Variants in RANBP3L observed in about 807,000 individuals in gnomAD.
RANBP3L encodes the protein RAN binding protein 3 like.
RANBP3L carries 56 observed loss-of-function variants against 67.2 expected under a neutral mutation model. The ratio of observed to expected loss-of-function variants is 0.83; its 90% CI spans 0.67 to 1.04. The LOEUF (loss-of-function observed/expected upper bound fraction) is 1.04. Ranked by LOEUF, RANBP3L falls within the 50% of genes least tolerant of loss-of-function variation. The pLI, the probability that RANBP3L is intolerant of heterozygous loss-of-function variation, is 0.00. For synonymous variants in RANBP3L, 164 were observed against 181.4 expected, an observed-to-expected ratio of 0.90 and a Z score of 0.77; for missense variants, 496 against 535.5, an observed-to-expected ratio of 0.93 and a Z score of 0.73.
chr5:36,265,541 A>G lies in RANBP3L; in HGVS notation c.269-21T>C, dbSNP rs780336160. 7 of 1,424,006 alleles carry G rather than the reference A, an allele frequency of 4.9e-6. No homozygotes were observed. The African/African-American group carries it at 1.0e-4, about 20-fold the overall frequency. The allele number at this position is 1,424,006 out of a possible 1,614,324, so 88.2% of individuals were successfully genotyped here. A position where few individuals can be genotyped will look rare whatever the true frequency, so the allele number is the denominator to read the frequency against. On this transcript the variant is annotated intron_variant, in intron 4 of 13. Coordinates refer to ENST00000296604, the MANE Select transcript of RANBP3L (RefSeq NM_145000.5). ...CCTCACTGTAAGAAAAAATATTTAA[A>G]TTTTTTTAAATACAGAAGAGTGTCA... is the stretch of plus-strand genomic sequence containing the variant.
chr5:36,299,221 G>A (rs1319656613), intron 1 of RANBP3L, among the ~76,000 whole-genome samples: 1 of 152,076 alleles, frequency 6.6e-6, no homozygotes, highest in African/African-American at 2.4e-5. Context: ...TTTGCAGACA[G>A]CCTATTGTGG....
At chr5:36,288,351 T>A (rs190828109) in intron 1 of RANBP3L, among the ~76,000 whole-genome samples, 175 of 152,336 alleles carry the variant, frequency 1.1e-3, no homozygotes, top group Non-Finnish European at 1.6e-3. Context: ...AGTGTGTTAA[T>A]ATACCGCAAT....
chr5:36,283,621 C>T (rs780437310), intron 1 of RANBP3L, among the ~76,000 whole-genome samples: 5 of 151,844 alleles, frequency 3.3e-5, no homozygotes, highest in Non-Finnish European at 5.9e-5. Context: ...AAGTTGAATA[C>T]AGCCAATCGT....
intron 1 of RANBP3L, among the ~76,000 whole-genome samples, chr5:36,290,390 T>G (rs944708244): frequency 1.3e-5 from 2 of 151,824 alleles, no homozygotes; most frequent in Non-Finnish European, 2.9e-5. Context: ...CTAATTTTTG[T>G]ATTTTTAGTA....
At chr5:36,287,452 T>G (rs2112069880) in intron 1 of RANBP3L, among the ~76,000 whole-genome samples, 1 of 152,264 alleles carries the variant, frequency 6.6e-6, no homozygotes, top group East Asian at 1.9e-4. Context: ...ATAAAATAAA[T>G]GAAGTGCTAT....
Position 36,260,822 on chromosome 5 carries a change from A to G in RANBP3L, c.627T>C (p.Ser209=). 2 of 1,549,522 alleles carry G rather than the reference A, an allele frequency of 1.3e-6. No homozygotes were observed. Among genetic ancestry groups the G allele is most frequent in the Non-Finnish European group, 1.8e-6 (2 of 1,127,072 alleles). Residue 209 remains serine, a synonymous_variant, in exon 8 of 14, where the codon AGT becomes AGC. Coordinates refer to ENST00000296604, the MANE Select transcript of RANBP3L (RefSeq NM_145000.5). The stretch of plus-strand genomic sequence containing the variant: ...TGTTTTCTCCAAAAACAAAATTGGA[A>G]CTGCAGCTTTTAAAAGAACATTTAT... ...NEDKCSFKSC[S]SNFVFGENMV...
chr5:36,254,641 T>C (rs1163936719), intron 11 of RANBP3L, among the ~76,000 whole-genome samples: 1 of 152,004 alleles, frequency 6.6e-6, no homozygotes, highest in Non-Finnish European at 1.5e-5. Flanking sequence ...CTTTCTGTCC[T>C]TTTAATCTGA....
chr5:36,255,514 T>C lies in RANBP3L; in HGVS notation c.980A>G (p.Asn327Ser), dbSNP rs1295085815. 3 of 1,612,190 alleles carry C rather than the reference T, an allele frequency of 1.9e-6. No individual in the cohort carries two copies. Among genetic ancestry groups the C allele is most frequent in the African/African-American group, 1.3e-5 (1 of 74,986 alleles). ...TCCACAGTCAGTGCTTGCTGTGTCATTCAGTCTCAACGTTCCTCTGCCCCT... is the reference window on the plus strand; with the variant it reads ...TCCACAGTCAGTGCTTGCTGTGTCACTCAGTCTCAACGTTCCTCTGCCCCT... ...IERGRGTLRL[N>S]DTASTDCGTL... Residue 327 changes from asparagine (N) to serine (S), a missense_variant, in exon 11 of 14, where the codon AAT becomes AGT. Transcript: ENST00000296604.
chr5:36,264,895 C>T, intron 6 of RANBP3L, 64 bp downstream of exon 6: 16 of 1,539,590 alleles, frequency 1.0e-5, no homozygotes, highest in Non-Finnish European at 1.4e-5. Flanking sequence ...ATGGGGGCCC[C>T]AAACAACCTG....
chr5:36,284,678 A>C lies in RANBP3L; in HGVS notation c.92-13367T>G, dbSNP rs1314840500. On this transcript the variant is annotated intron_variant, in intron 1 of 13. Transcript: ENST00000296604. ...CATTGCTATCTTTCTCATTTCATGC[A>C]GTGTGGGACATAGGGGCTAGGCAGT... is the stretch of plus-strand genomic sequence containing the variant. Among the ~76,000 whole-genome samples the C allele has an allele frequency of 3.9e-5, 6 of 152,216 alleles. No individual in the cohort carries two copies. The East Asian group carries it at 1.2e-3, about 29-fold the overall frequency.
chr5:36,255,678 C>CATAACA, intron 10 of RANBP3L, 88 bp from the exon 11 acceptor site: 1 of 772,986 alleles, frequency 1.3e-6, no homozygotes, highest in Non-Finnish European at 2.0e-6. Flanking sequence ...TTATATGTGT[C>CATAACA]TAGTCTTTTA....
chr5:36,248,325 A>C lies in RANBP3L; in HGVS notation c.*1329T>G, dbSNP rs1384036853. The C allele has an allele frequency of 6.6e-6, 1 of 152,214 alleles. No individual in the cohort carries two copies. The highest frequency in any genetic ancestry group is 2.4e-5 in the African/African-American group (1 of 41,472). 9.4% of individuals were successfully genotyped at this position (152,214 alleles called of 1,614,324 possible). On this transcript the variant is annotated 3_prime_UTR_variant, in exon 14 of 14. Transcript: ENST00000296604. ...CCTCTCTTAGTAGTTATATTAAGTT[A>C]TGCTTTCTCAGTTATAAGGAAGGAC...
intron 8 of RANBP3L, among the ~76,000 whole-genome samples, chr5:36,259,450 G>A (rs1177674007): frequency 6.6e-6 from 1 of 152,062 alleles, no homozygotes; most frequent in Non-Finnish European, 1.5e-5. Context: ...AGGTGTGGTG[G>A]TACGTGCCTG....
At chr5:36,290,224 C>CTTTTTTTTTTTTTTTTT (rs33974139) in intron 1 of RANBP3L, among the ~76,000 whole-genome samples, 1 of 143,990 alleles carries the variant, frequency 6.9e-6, no homozygotes, top group Non-Finnish European at 1.5e-5. Flanking sequence ...TCTGTCTCAC[C>CTTTTTTTTTTTTTTTTT]TTTTTTTTTT....
intron 3 of RANBP3L, 133 bp downstream of exon 3, chr5:36,269,818 G>T: frequency 1.3e-6 from 1 of 782,946 alleles, no homozygotes; most frequent in South Asian, 1.5e-5. Context: ...AAACAAAAGT[G>T]AATCTACTGG....
intron 1 of RANBP3L, among the ~76,000 whole-genome samples, chr5:36,283,399 A>AC (rs33919447): frequency 1.6e-5 from 1 of 61,674 alleles, no homozygotes; most frequent in Non-Finnish European, 4.3e-5. Flanking sequence ...GAAAAATGTT[A>AC]CAAAAAAAAA....
At chr5:36,264,104 A>G (rs1446331470) in intron 6 of RANBP3L, among the ~76,000 whole-genome samples, 1 of 152,174 alleles carries the variant, frequency 6.6e-6, no homozygotes, top group Non-Finnish European at 1.5e-5. Context: ...AAGATGTTGA[A>G]TGGGTGCTTT....
chr5:36,259,596 A>AAAAAT (rs1286152089), intron 8 of RANBP3L, among the ~76,000 whole-genome samples: 3 of 151,838 alleles, frequency 2.0e-5, no homozygotes, highest in African/African-American at 7.3e-5. Context: ...AAAAAAAAAA[A>AAAAAT]AAAATGGAAT....
chr5:36,281,980 C>G (rs540645169), intron 1 of RANBP3L, among the ~76,000 whole-genome samples: 1 of 152,258 alleles, frequency 6.6e-6, no homozygotes, highest in East Asian at 1.9e-4. Context: ...TGTGGGACTT[C>G]TGGATTGATA....
Sources: gnomAD v4.1 joint callset for allele counts (sites outside exome capture counted in the v4.1 genomes callset) on GRCh38, gnomAD v4.1.1 for gene constraint, MANE v1.5 for transcripts, NCBI Gene and HGNC (gene_info 2026-07-23, HGNC 2026-07-21) for gene names.